CHI3L2: variants seen among roughly 807,000 people sequenced by gnomAD.
The protein encoded by CHI3L2 is chitinase 3 like 2.
A neutral mutation model predicts 47.3 loss-of-function variants in CHI3L2; 47 were observed. That is an observed-to-expected ratio of 0.99 (90% CI 0.79 to 1.27). The LOEUF is 1.27. Among genes scored for constraint, CHI3L2 ranks in the 50% most tolerant of loss-of-function variants. The probability of loss-of-function intolerance (pLI) is 0.00; values close to 1 mark genes in which losing one functional copy is unlikely to be tolerated. For synonymous variants in CHI3L2, 198 were observed against 169.9 expected (o/e 1.17, Z -1.28); for missense variants, 497 against 462.1 (o/e 1.08, Z -0.69).
Position 111,238,884 on chromosome 1 carries a change from A to T in CHI3L2, c.870A>T (p.Gly290=), listed in dbSNP as rs773645107. ...TGGGGGCCCCTGCCTCTGGCCCTGG[A>T]GCTGCTGGACCCATCACAGAGTCTT... is the stretch of plus-strand genomic sequence containing the variant. ...TTVGAPASGP[G]AAGPITESSG... is the part of the protein sequence containing the mutation. The change falls in exon 8 of 11, where the codon GGA becomes GGT. Residue 290 remains glycine, a synonymous_variant. Coordinates refer to ENST00000369748, the MANE Select transcript of CHI3L2 (RefSeq NM_004000.3). The T allele has an allele frequency of 1.9e-6, 3 of 1,613,370 alleles. No homozygotes were observed. The Admixed American group carries it at 5.0e-5, about 27-fold the overall frequency.
chr1:111,242,999 G>A (rs564039948), intron 10 of CHI3L2, among the ~76,000 whole-genome samples: 67 of 152,304 alleles, frequency 4.4e-4, no homozygotes, highest in African/African-American at 1.6e-3. Flanking sequence ...ATTGGTTCTA[G>A]GGCAGAGGGT....
At chr1:111,236,930 G>T (rs61806344) in intron 7 of CHI3L2, among the ~76,000 whole-genome samples, 6 of 152,000 alleles carry the variant, frequency 3.9e-5, no homozygotes. Flanking sequence ...AATCATAAGG[G>T]TTCAAAGTGG....
chr1:111,233,494 A>G (rs1659785651), intron 4 of CHI3L2, among the ~76,000 whole-genome samples: 1 of 152,192 alleles, frequency 6.6e-6, no homozygotes, highest in Non-Finnish European at 1.5e-5. Context: ...CCCTAAGCCC[A>G]CCACATTGCA....
At chr1:111,237,418 A>G (rs1160225620) in intron 7 of CHI3L2, among the ~76,000 whole-genome samples, 4 of 152,214 alleles carry the variant, frequency 2.6e-5, no homozygotes, top group Non-Finnish European at 5.9e-5. Flanking sequence ...AGGCTGTTTC[A>G]TATATATGGA....
intron 8 of CHI3L2, among the ~76,000 whole-genome samples, chr1:111,240,018 A>C (rs1660000418): frequency 6.6e-6 from 1 of 152,250 alleles, no homozygotes; most frequent in Non-Finnish European, 1.5e-5. Flanking sequence ...TTCAATGACC[A>C]ATGAATGGTG....
intron 2 of CHI3L2, 125 bp downstream of exon 2, chr1:111,230,006 C>T: frequency 9.7e-7 from 1 of 1,028,200 alleles, no homozygotes. Context: ...CTGCCACTGA[C>T]ATATTTATGA....
rs148880784 is a variant in CHI3L2, at chr1:111,241,402, C to G, written c.994C>G (p.Gln332Glu). 3.1e-6 allele frequency: 5 copies of G among 1,608,864 alleles called. No homozygotes were observed. The highest frequency in any genetic ancestry group is 1.6e-4 in the Middle Eastern group (1 of 6,074). Reference protein sequence around the residue: ...QQVPYAVKGNQWVGYDDVKSM... With the variant: ...QQVPYAVKGNEWVGYDDVKSM... Reference sequence around the variant, plus strand: ...GGTTCCCTACGCAGTCAAGGGGAACCAGTGGGTGGGCTATGATGATGTGAA... The same window carrying G: ...GGTTCCCTACGCAGTCAAGGGGAACGAGTGGGTGGGCTATGATGATGTGAA... Residue 332 changes from glutamine to glutamate, a missense_variant, in exon 9 of 11, where the codon CAG (glutamine) becomes GAG (glutamate). By Grantham distance (29) the Gln-to-Glu change is conservative. Coordinates refer to ENST00000369748, the MANE Select transcript of CHI3L2 (RefSeq NM_004000.3).
rs971391099 is a variant in CHI3L2 at position 111,243,411 on chromosome 1, C to T, written c.*197C>T. ...GCTGTTGACTTGTTGCCCTGAAGTA[C>T]AATAAAAAAAATTCATTTTGCTCCA... is the stretch of plus-strand genomic sequence containing the variant. On this transcript the variant is annotated 3_prime_UTR_variant, in exon 11 of 11. Coordinates refer to ENST00000369748, the MANE Select transcript of CHI3L2 (RefSeq NM_004000.3). 5.6e-6 allele frequency: 2 copies of T among 360,180 alleles called. No homozygotes were observed. The highest frequency in any genetic ancestry group is 3.7e-5 in the Admixed American group (1 of 26,938). 22.3% of individuals were successfully genotyped at this position (360,180 alleles called of 1,614,324 possible).
At position 111,241,390 on chromosome 1, in the gene CHI3L2, G is replaced by T. The variant is rs565236558; in HGVS notation, c.982G>T (p.Val328Phe). 1.2e-6 allele frequency: 2 copies of T among 1,610,596 alleles called. No individual in the cohort carries two copies. Among genetic ancestry groups the T allele is most frequent in the African/African-American group, 2.7e-5 (2 of 74,888 alleles). Residue 328 changes from valine (V) to phenylalanine (F), a missense_variant, in exon 9 of 11, where the codon GTC becomes TTC. Coordinates refer to ENST00000369748, the MANE Select transcript of CHI3L2 (RefSeq NM_004000.3). ...RLQDQQVPYA[V>F]KGNQWVGYDD... ...CCAGGATCAGCAGGTTCCCTACGCA[G>T]TCAAGGGGAACCAGTGGGTGGGCTA...
At chr1:111,239,081 G>T in intron 8 of CHI3L2, 149 bp downstream of exon 8, 1 of 760,324 alleles carries the variant, frequency 1.3e-6, no homozygotes, top group Non-Finnish European at 2.0e-6. Context: ...TCCTAACTCT[G>T]GGTTGGGAGA....
At chr1:111,231,047 A>G in intron 3 of CHI3L2, 104 bp downstream of exon 3, 3 of 1,031,320 alleles carry the variant, frequency 2.9e-6, no homozygotes, top group Non-Finnish European at 4.4e-6. Context: ...ATTCATTCCT[A>G]TATATTTCTC....
At chr1:111,241,577 G>A (rs1660059313) in intron 9 of CHI3L2, 134 bp downstream of exon 9, 3 of 618,646 alleles carry the variant, frequency 4.8e-6, no homozygotes, top group South Asian at 3.9e-5. Flanking sequence ...AGCCTTTATA[G>A]CTCAAGTCTA....
chr1:111,230,633 G>A lies in CHI3L2; in HGVS notation c.71-109G>A, dbSNP rs565688987. The stretch of plus-strand genomic sequence containing the variant: ...AGGCTGAATGACCCTCAGAGGCTCT[G>A]GCAGAATGAGCAAATGATGCAATGG... On this transcript the variant is annotated intron_variant, in intron 2 of 10. Coordinates refer to ENST00000369748, the MANE Select transcript of CHI3L2 (RefSeq NM_004000.3). The A allele has an allele frequency of 6.8e-6, 6 of 884,450 alleles. No homozygotes were observed. The South Asian group carries it at 7.7e-5, about 11-fold the overall frequency. The allele number at this position is 884,450 out of a possible 1,614,324, so 54.8% of individuals were successfully genotyped here.
At chr1:111,237,483 C>T (rs534854134) in intron 7 of CHI3L2, among the ~76,000 whole-genome samples, 3 of 152,178 alleles carry the variant, frequency 2.0e-5, no homozygotes, top group South Asian at 2.1e-4. Context: ...GTTTCCAGGC[C>T]TTCATATTCA....
At chr1:111,229,946 C>T (rs368680461) in intron 2 of CHI3L2, 65 bp downstream of exon 2, 52 of 1,578,014 alleles carry the variant, frequency 3.3e-5, no homozygotes, top group Non-Finnish European at 4.3e-5. Context: ...TTTTGATGTA[C>T]AGTTTCTTTT....
chr1:111,237,430 G>A lies in CHI3L2; in HGVS notation c.735+1277G>A, dbSNP rs182219028. 2.4e-3 allele frequency among the ~76,000 whole-genome samples: 361 copies of A among 152,300 alleles called. 3 individuals are homozygous for A. Among genetic ancestry groups the A allele is most frequent in the Middle Eastern group, 3.4e-3 (1 of 294 alleles). On this transcript the variant is annotated intron_variant, in intron 7 of 10. Coordinates refer to ENST00000369748, the MANE Select transcript of CHI3L2 (RefSeq NM_004000.3). ...CAAAGGCTGTTTCATATATATGGAT[G>A]TATATTCCTAAAATTTTGGGAGAAA...
At chr1:111,233,392 T>G (rs1036797118) in intron 4 of CHI3L2, among the ~76,000 whole-genome samples, 1 of 152,162 alleles carries the variant, frequency 6.6e-6, no homozygotes, top group African/African-American at 2.4e-5. Context: ...AATTTAGAGG[T>G]GGCCAGACTG....
chr1:111,234,992 G>A lies in CHI3L2; in HGVS notation c.415G>A (p.Gly139Arg). ...GTTTCTGAGGAACCATAACTTTGAT[G>A]GACTGGATGTAAGCTGGATCTACCC... ...ILFLRNHNFDGLDVSWIYPDQ... is the reference protein window; with the variant it reads ...ILFLRNHNFDRLDVSWIYPDQ... Residue 139 changes from glycine (G) to arginine (R), a missense_variant, in exon 5 of 11, where the codon GGA becomes AGA. Coordinates refer to ENST00000369748, the MANE Select transcript of CHI3L2 (RefSeq NM_004000.3). The A allele has an allele frequency of 3.1e-6, 5 of 1,614,096 alleles. No homozygotes were observed. Among genetic ancestry groups the A allele is most frequent in the Non-Finnish European group, 4.2e-6 (5 of 1,179,986 alleles).
intron 8 of CHI3L2, chr1:111,239,264 G>A (rs11583210): frequency 0.24 from 52,509 of 222,596 alleles, 6,732 homozygotes; most frequent in South Asian, 0.31. Context: ...TACAGAGATA[G>A]GGAAGACTGG....
Sources: gnomAD v4.1 joint callset for allele counts (sites outside exome capture counted in the v4.1 genomes callset) on GRCh38, gnomAD v4.1.1 for gene constraint, MANE v1.5 for transcripts, NCBI Gene and HGNC (gene_info 2026-07-23, HGNC 2026-07-21) for gene names.